CIDEB: variants seen among roughly 807,000 people sequenced by gnomAD.
The protein encoded by CIDEB is lipid transferase CIDEB.
Under a neutral mutation model 22.4 loss-of-function variants are expected in CIDEB, and 27 were observed. The ratio of observed to expected loss-of-function variants is 1.21; its 90% CI spans 0.89 to 1.66. The LOEUF (loss-of-function observed/expected upper bound fraction) is 1.66, where lower values mean the gene tolerates loss of function less well. CIDEB is among the 40% of genes most tolerant of loss of function. CIDEB has a pLI of 0.00. For synonymous variants in CIDEB, 103 were observed against 109.5 expected, an observed-to-expected ratio of 0.94 and a Z score of 0.37; for missense variants, 289 against 268.7, an observed-to-expected ratio of 1.08 and a Z score of -0.53.
intron 4 of CIDEB, 70 bp from the exon 5 acceptor site, chr14:24,305,835 T>G: frequency 6.3e-7 from 1 of 1,594,656 alleles, no homozygotes. Context: ...AGCTGGGAGA[T>G]GAGGACTTTC....
At chr14:24,310,349 T>TAG, upstream of CIDEB, 1 of 605,718 alleles carries the variant, frequency 1.7e-6, no homozygotes, top group Non-Finnish European at 2.9e-6. Context: ...GGGGCCAGAC[T>TAG]AGAGGAGTGG....
Position 24,306,428 on chromosome 14 carries a change from C to T in CIDEB, c.282G>A (p.Glu94=). The part of the protein sequence containing the change: ...VDSEDFFQLL[E]DDTCLMVLQS... ...GCAACACCATCAGGCACGTGTCATC[C>T]TCCAGCAGCTGGAAGAAGTCCTCAC... Residue 94 remains glutamate (E), a synonymous_variant, in exon 3 of 5, where the codon GAG becomes GAA. Transcript: ENST00000554411. 6.2e-7 allele frequency: 1 copy of T among 1,614,232 alleles called. No individual in the cohort carries two copies. Among genetic ancestry groups the T allele is most frequent in the Non-Finnish European group, 8.5e-7 (1 of 1,180,026 alleles).
rs1169912992 is a variant in CIDEB, at chr14:24,307,891, TG to T, written c.-34del. 1 of 1,562,578 alleles carries T rather than the reference TG, an allele frequency of 6.4e-7. No homozygotes were observed. Among genetic ancestry groups the T allele is most frequent in the Admixed American group, 1.9e-5 (1 of 52,834 alleles). ...CGGAGAGTTCCTTCCCTGGAACTTC[TG>T]GGCTGGGTGGTTCTCTCCTGTGCTG... On this transcript the variant is annotated 5_prime_UTR_variant, in exon 1 of 5. Transcript: ENST00000554411.
upstream of CIDEB, chr14:24,311,422 C>T (rs778968644): frequency 6.2e-7 from 1 of 1,601,434 alleles, no homozygotes; most frequent in Non-Finnish European, 8.5e-7. Flanking sequence ...GCAGCGCTGG[C>T]TCCACCGGAA....
chr14:24,307,250 G>T, intron 2 of CIDEB, 121 bp downstream of exon 2: 1 of 1,099,988 alleles, frequency 9.1e-7, no homozygotes, highest in Non-Finnish European at 1.3e-6. Context: ...GCTGCTTTTA[G>T]CCCTCAGAGG....
At chr14:24,309,387 C>T (rs1276374245), upstream of CIDEB, 1 of 152,284 alleles carries the variant, frequency 6.6e-6, no homozygotes, top group African/African-American at 2.4e-5. Flanking sequence ...TGGTGCCCTC[C>T]CCAAGCAACC....
intron 1 of CIDEB, 63 bp downstream of exon 1, chr14:24,307,755 G>T: frequency 1.3e-6 from 2 of 1,494,976 alleles, no homozygotes; most frequent in East Asian, 2.4e-5. Context: ...GGGCTGAGTG[G>T]AGTATTGTTG....
rs370279393 is a variant in CIDEB, at chr14:24,307,884, G to T, written c.-26C>A. ...GGTGGACCGGAGAGTTCCTTCCCTG[G>T]AACTTCTGGGCTGGGTGGTTCTCTC... On this transcript the variant is annotated 5_prime_UTR_variant, in exon 1 of 5. Transcript: ENST00000554411. The T allele has an allele frequency of 6.4e-6, 10 of 1,572,352 alleles. No homozygotes were observed. The highest frequency in any genetic ancestry group is 5.6e-5 in the Admixed American group (3 of 53,680).
upstream of CIDEB, chr14:24,311,328 G>A: frequency 6.2e-7 from 1 of 1,601,658 alleles, no homozygotes. Flanking sequence ...CGGGGCGCGG[G>A]TGGGCCGGCT....
chr14:24,307,822 G>GT lies in CIDEB; in HGVS notation c.36dup (p.Leu13ThrfsTer6). The GT allele has an allele frequency of 3.8e-6, 6 of 1,595,260 alleles. No individual in the cohort carries two copies. The highest frequency in any genetic ancestry group is 1.8e-5 in the Admixed American group (1 of 57,028). ...GAGCGGAGGGTTAGCAGTCACCTGA[G>GT]TAAGTCACTGGGGTTCAGAGCTGAG... On this transcript the variant is annotated frameshift_variant, in exon 1 of 5. Coordinates refer to ENST00000554411, the MANE Select transcript of CIDEB (RefSeq NM_001393339.1). LOFTEE classifies it high-confidence loss of function.
chr14:24,307,374 G>C lies in CIDEB; in HGVS notation c.183C>G (p.Ala61=). ...LTAATRQELL[A]KALETLLLNG... ...CCGAGGAACTTGGCCTACTTACTTT[G>C]GCTAGCAGCTCCTGGCGGGTGGCAG... The change falls in exon 2 of 5, where the codon GCC becomes GCG. Residue 61 remains alanine, a synonymous_variant. Coordinates refer to ENST00000554411, the MANE Select transcript of CIDEB (RefSeq NM_001393339.1). The C allele has an allele frequency of 6.2e-7, 1 of 1,612,790 alleles. No individual in the cohort carries two copies. Among genetic ancestry groups the C allele is most frequent in the African/African-American group, 1.3e-5 (1 of 75,010 alleles).
At chr14:24,311,162 C>T (rs1349545040), upstream of CIDEB, 5 of 1,604,350 alleles carry the variant, frequency 3.1e-6, no homozygotes, top group Non-Finnish European at 2.5e-6. Context: ...GGAGGGACCG[C>T]GTATGCCAGC....
chr14:24,310,983 G>A, upstream of CIDEB: 1 of 1,590,250 alleles, frequency 6.3e-7, no homozygotes, highest in Non-Finnish European at 8.5e-7. Flanking sequence ...CAGCATGTAC[G>A]CCAGCGTGCT....
chr14:24,308,011 C>T (rs1490786076), upstream of CIDEB: 2 of 715,216 alleles, frequency 2.8e-6, no homozygotes, highest in Non-Finnish European at 4.9e-6. Context: ...CCCTGCCTGG[C>T]CAGTAAGAAG....
rs1410969944 is a variant in CIDEB at position 24,307,778 on chromosome 14, C to T, written c.41+40G>A. On this transcript the variant is annotated intron_variant, in intron 1 of 4. Coordinates refer to ENST00000554411, the MANE Select transcript of CIDEB (RefSeq NM_001393339.1). ...TGGAGTATTGTTGCCCTGCCTATAT[C>T]CCCTAAAGGTGGAGGGTAGAGCGGA... 5 of 1,567,274 alleles carry T rather than the reference C, an allele frequency of 3.2e-6. No homozygotes were observed. The African/African-American group carries it at 6.8e-5, about 21-fold the overall frequency.
chr14:24,310,714 A>G (rs1490506324), upstream of CIDEB: 3 of 1,612,844 alleles, frequency 1.9e-6, no homozygotes. Flanking sequence ...CTGAGCTGGA[A>G]GACTTCGCGG....
rs2041571892 is a variant in CIDEB at position 24,307,940 on chromosome 14, T to TA, written c.-83dup. ...CTGGGGCTTTAGTGGTGTTTTCTGT[T>TA]ACAAACCTGGGATCTCAGCCCAGGA... On this transcript the variant is annotated 5_prime_UTR_variant, in exon 1 of 5. Transcript: ENST00000554411. 7.8e-7 allele frequency: 1 copy of TA among 1,288,984 alleles called. No homozygotes were observed. Among genetic ancestry groups the TA allele is most frequent in the South Asian group, 1.3e-5 (1 of 78,578 alleles). The allele number at this position is 1,288,984 out of a possible 1,614,324, so 79.8% of individuals were successfully genotyped here.
Position 24,306,470 on chromosome 14 carries a change from ATCC to A in CIDEB, c.237_239del (p.Glu79del). The A allele has an allele frequency of 6.2e-7, 1 of 1,614,190 alleles. No individual in the cohort carries two copies. The highest frequency in any genetic ancestry group is 8.5e-7 in the Non-Finnish European group (1 of 1,180,024). On this transcript the variant is annotated inframe_deletion, in exon 3 of 5. Transcript: ENST00000554411. ...AGTCCTCACTGTCCACTGCAGTTCC[ATCC>A]TCCTCTAGCACCAGGGTTAGCACTC... is the stretch of plus-strand genomic sequence containing the variant.
chr14:24,310,388 T>G (rs1950505), upstream of CIDEB: 586,361 of 616,996 alleles, frequency 0.95, 278,907 homozygotes, highest in Middle Eastern at 0.97. Flanking sequence ...CCTGGGGTGA[T>G]GACTTTATGC....
Sources: gnomAD v4.1 joint callset for allele counts on GRCh38, gnomAD v4.1.1 for gene constraint, MANE v1.5 for transcripts, NCBI Gene and HGNC (gene_info 2026-07-23, HGNC 2026-07-21) for gene names.